PRCD: variants seen among roughly 807,000 people sequenced by gnomAD.
PRCD encodes photoreceptor disk component PRCD.
A neutral mutation model predicts 10.1 loss-of-function variants in PRCD; 12 were observed. The observed-to-expected ratio is 1.18, with a 90% CI of 0.76 to 1.92. PRCD has a LOEUF of 1.92. Ranked by LOEUF, PRCD falls within the 40% of genes most tolerant of loss-of-function variation. The pLI is 0.00. For synonymous variants in PRCD, 31 were observed against 26.2 expected, an observed-to-expected ratio of 1.18 and a Z score of -0.56; for missense variants, 61 against 72.2, an observed-to-expected ratio of 0.84 and a Z score of 0.56.
chr17:76,540,154 C>G lies in PRCD; in HGVS notation c.13C>G (p.Leu5Val), dbSNP rs200954045. The change falls in exon 1 of 5, where the codon CTT becomes GTT. Residue 5 changes from leucine (L) to valine (V), a missense_variant. Coordinates refer to ENST00000592014, the MANE Select transcript of PRCD (RefSeq NM_001077620.3). The surrounding 1 kb of genome is among the most constrained non-coding windows in gnomAD (Gnocchi z 5.0). MCTT[L>V]FLLSTLAMLW... ...GGGCAGCTGCGCCATGTGCACCACC[C>G]TTTTCCTGCTCAGCACCCTGGCCAT... is the stretch of plus-strand genomic sequence containing the variant. 2.3e-4 allele frequency: 368 copies of G among 1,603,570 alleles called. No homozygotes were observed. Among genetic ancestry groups the G allele is most frequent in the Non-Finnish European group, 3.1e-4 (359 of 1,176,448 alleles).
intron 2 of PRCD, among the ~76,000 whole-genome samples, chr17:76,541,381 G>A (rs926444316): frequency 1.3e-5 from 2 of 152,192 alleles, no homozygotes; most frequent in African/African-American, 4.8e-5. Flanking sequence ...GGGTCAGGGC[G>A]CACTGGCAGG....
At chr17:76,551,557 A>T (rs1321516862) in intron 1 of PRCD, 1 of 152,180 alleles carries the variant, frequency 6.6e-6, no homozygotes, top group Non-Finnish European at 1.5e-5. Context: ...AACTTAAAGC[A>T]GTGATCCCAG....
chr17:76,540,531 C>G lies in PRCD; in HGVS notation c.101C>G (p.Ala34Gly). Residue 34 changes from alanine (A) to glycine (G), a missense_variant, in exon 2 of 5, where the codon GCT becomes GGT. Physicochemically the swap from Ala to Gly is moderately conservative, Grantham distance 60. Coordinates refer to ENST00000592014, the MANE Select transcript of PRCD (RefSeq NM_001077620.3). This position sits in a 1 kb window ranked among gnomAD's most constrained non-coding sequence, Gnocchi z 5.0. ...GAGCCCAGCGACGTGGATGGGGCAG[C>G]TAGGGGCAGCAGCTTGGATGCGGAC... ...QPEPSDVDGA[A>G]RGSSLDADPQ... 2.5e-6 allele frequency: 4 copies of G among 1,613,656 alleles called. No individual in the cohort carries two copies. In the Middle Eastern group the frequency reaches 6.6e-4, roughly 266 times the overall value.
In PRCD at chr17:76,528,157, G is replaced by A. The variant is rs542492772; in HGVS notation, n.45+324G>A. On this transcript the variant is annotated intron_variant and non_coding_transcript_variant, in intron 1 of 4. Coordinates refer to the PRCD transcript ENST00000397633. This position sits in a 1 kb window ranked among gnomAD's most constrained non-coding sequence, Gnocchi z 5.8. ...GTATATATATATTTATATATAGCTC[G>A]TATATAGAATATATCTGTATATATG... 310 of 383,652 alleles carry A rather than the reference G, an allele frequency of 8.1e-4. No individual in the cohort carries two copies. Among genetic ancestry groups the A allele is most frequent in the African/African-American group, 5.6e-3 (271 of 48,186 alleles). The allele number at this position is 383,652 out of a possible 1,614,324, so 23.8% of individuals were successfully genotyped here.
upstream of PRCD, chr17:76,537,586 GGCGGGGC>G (rs747063204): frequency 3.0e-4 from 358 of 1,208,488 alleles, 1 homozygote; most frequent in South Asian, 1.6e-3. Flanking sequence ...CGGCGGCGGT[GGCGGGGC>G]GCGGGGCGCG....
In PRCD at chr17:76,530,101, TGGGAATGTTTCTCTACCAC is replaced by T. The variant is rs551261639; in HGVS notation, n.45+2289_45+2307del. The T allele has an allele frequency of 8.2e-4, 806 of 983,208 alleles. 3 individuals carry two copies. In the African/African-American group the frequency reaches 0.013, roughly 16 times the overall value. The allele number at this position is 983,208 out of a possible 1,614,324, so 60.9% of individuals were successfully genotyped here. A position where few individuals can be genotyped will look rare whatever the true frequency, so the allele number is the denominator to read the frequency against. ...CGCCGCCTTTTCCATGGGAAACTGC[TGGGAATGTTTCTCTACCAC>T]GGGAATGTTTCTCTACCACGCGTGT... On this transcript the variant is annotated intron_variant and non_coding_transcript_variant, in intron 1 of 4. Coordinates refer to the PRCD transcript ENST00000397633. This position sits in a 1 kb window ranked among gnomAD's most constrained non-coding sequence, Gnocchi z 6.1.
chr17:76,547,736 CACAT>C (rs1416289062), downstream of PRCD, among the ~76,000 whole-genome samples: 11 of 150,952 alleles, frequency 7.3e-5, no homozygotes, highest in African/African-American at 2.0e-4. Context: ...TTCACACACA[CACAT>C]ACACAAACAC....
downstream of PRCD, chr17:76,546,723 A>G (rs953132820): frequency 6.6e-6 from 1 of 152,244 alleles, no homozygotes; most frequent in Non-Finnish European, 1.5e-5. This position sits in a 1 kb window ranked among gnomAD's most constrained non-coding sequence, Gnocchi z 4.5. Context: ...ATGTTAACAT[A>G]ATGATGATAC....
At chr17:76,552,583 A>G (rs1023742061) in intron 1 of PRCD, among the ~76,000 whole-genome samples, 41 of 152,068 alleles carry the variant, frequency 2.7e-4, no homozygotes, top group Non-Finnish European at 4.4e-4. Context: ...TGAAAATGCG[A>G]CCAGCTGTGA....
chr17:76,545,660 C>T (rs1421413445), downstream of PRCD: 3 of 303,644 alleles, frequency 9.9e-6, no homozygotes, highest in Non-Finnish European at 1.9e-5. Context: ...CACCTCTGTG[C>T]CTCAGTTTCT....
At chr17:76,542,669 C>A (rs2075006118) in intron 3 of PRCD, 36 bp downstream of exon 3, 2 of 1,399,906 alleles carry the variant, frequency 1.4e-6, no homozygotes, top group Non-Finnish European at 2.0e-6. Context: ...GGGCAGAGGG[C>A]AAGGCTTGGG....
rs1254068545 is a variant in PRCD, at chr17:76,533,465, C to T, written n.45+5632C>T. On this transcript the variant is annotated intron_variant and non_coding_transcript_variant, in intron 1 of 4. Transcript: ENST00000397633. The surrounding 1 kb of genome is among the most constrained non-coding windows in gnomAD (Gnocchi z 4.5). ...TATGGCCGGGCACGGTGGCTCACGCCTATAATCCTAGCACTTTACGAGGCC... is the reference window on the plus strand; with the variant it reads ...TATGGCCGGGCACGGTGGCTCACGCTTATAATCCTAGCACTTTACGAGGCC... 1.3e-5 allele frequency among the ~76,000 whole-genome samples: 2 copies of T among 152,216 alleles called. No homozygotes were observed. Among genetic ancestry groups the T allele is most frequent in the Non-Finnish European group, 2.9e-5 (2 of 68,040 alleles).
Position 76,545,269 on chromosome 17 carries a change from G to A in PRCD, c.*1619G>A, listed in dbSNP as rs780401161. On this transcript the variant is annotated 3_prime_UTR_variant, in exon 5 of 5. Coordinates refer to ENST00000592014, the MANE Select transcript of PRCD (RefSeq NM_001077620.3). ...TCCCCACAGAAGGCTCCTGGGACCC[G>A]GGTGCCCCTTCCTTGGCCCACTGGC... is the stretch of plus-strand genomic sequence containing the variant. 33 of 456,650 alleles carry A rather than the reference G, an allele frequency of 7.2e-5. No homozygotes were observed. Among genetic ancestry groups the A allele is most frequent in the Admixed American group, 3.3e-4 (14 of 42,570 alleles). The allele number at this position is 456,650 out of a possible 1,614,324, so 28.3% of individuals were successfully genotyped here. A position where few individuals can be genotyped will look rare whatever the true frequency, so the allele number is the denominator to read the frequency against.
chr17:76,536,975 A>G (rs572606314), upstream of PRCD, among the ~76,000 whole-genome samples: 7 of 152,334 alleles, frequency 4.6e-5, no homozygotes, highest in Non-Finnish European at 5.9e-5. Context: ...AGCTGGAGAC[A>G]GGGTTCTGCT....
Position 76,531,726 on chromosome 17 carries a change from G to A in PRCD, n.45+3893G>A, listed in dbSNP as rs1243719122. 5 of 1,552,138 alleles carry A rather than the reference G, an allele frequency of 3.2e-6. No individual in the cohort carries two copies. Among genetic ancestry groups the A allele is most frequent in the Middle Eastern group, 1.7e-4 (1 of 5,822 alleles). Reference sequence around the variant, plus strand: ...GGAACAGGGGTGGTCGCTGAAGCTGGAGGCTGCCTCGGGCCCACCCTGAAG... The same window carrying A: ...GGAACAGGGGTGGTCGCTGAAGCTGAAGGCTGCCTCGGGCCCACCCTGAAG... On this transcript the variant is annotated intron_variant and non_coding_transcript_variant, in intron 1 of 4. Transcript: ENST00000397633. This position sits in a 1 kb window ranked among gnomAD's most constrained non-coding sequence, Gnocchi z 7.4.
In PRCD at chr17:76,544,558, G is replaced by T. The variant is rs1295737062; in HGVS notation, c.*908G>T. On this transcript the variant is annotated 3_prime_UTR_variant, in exon 5 of 5. Coordinates refer to ENST00000592014, the MANE Select transcript of PRCD (RefSeq NM_001077620.3). ...CAGGGGGAAAGTCACACTAGGGAAG[G>T]AGCCTGCAGAGGCAAAGCCAGAGCG... is the stretch of plus-strand genomic sequence containing the variant. 4.4e-6 allele frequency: 2 copies of T among 456,646 alleles called. No individual in the cohort carries two copies. Among genetic ancestry groups the T allele is most frequent in the South Asian group, 3.1e-5 (2 of 64,570 alleles). 28.3% of individuals were successfully genotyped at this position (456,646 alleles called of 1,614,324 possible). A position where few individuals can be genotyped will look rare whatever the true frequency, so the allele number is the denominator to read the frequency against.
chr17:76,537,339 T>C (rs1480623858), upstream of PRCD: 3 of 1,494,936 alleles, frequency 2.0e-6, no homozygotes, highest in East Asian at 8.7e-5. Context: ...CCAGCCCTCC[T>C]CTGCCCGGAG....
chr17:76,534,146 TTCTCTC>T (rs71158013), intron 1 of PRCD, among the ~76,000 whole-genome samples: 389 of 128,952 alleles, frequency 3.0e-3, no homozygotes, highest in Middle Eastern at 0.024. Flanking sequence ...CTCTTTCTCT[TTCTCTC>T]TCTCTCTCTC....
chr17:76,531,261 C>G lies in PRCD; in HGVS notation n.45+3428C>G, dbSNP rs946079788. 79 of 1,273,200 alleles carry G rather than the reference C, an allele frequency of 6.2e-5. No homozygotes were observed. The highest frequency in any genetic ancestry group is 4.3e-4 in the East Asian group (17 of 39,782). 78.9% of individuals were successfully genotyped at this position (1,273,200 alleles called of 1,614,324 possible). ...CATTCCTAACGCAACAGTCTGGCAG[C>G]TTTGGGAACCCCGTGCTCTCAGGAC... is the stretch of plus-strand genomic sequence containing the variant. On this transcript the variant is annotated intron_variant and non_coding_transcript_variant, in intron 1 of 4. Coordinates refer to the PRCD transcript ENST00000397633. This position sits in a 1 kb window ranked among gnomAD's most constrained non-coding sequence, Gnocchi z 7.4.
Sources: allele counts gnomAD v4.1 joint callset (sites outside exome capture counted in the v4.1 genomes callset), GRCh38; gene constraint gnomAD v4.1.1; non-coding constraint Gnocchi (gnomAD v3.1); transcripts MANE v1.5; gene names NCBI Gene and HGNC (gene_info 2026-07-23, HGNC 2026-07-21).